The following MROH1 variants were observed in gnomAD, a reference collection of about 807,000 sequenced individuals.
The protein encoded by MROH1 is maestro heat like repeat family member 1, also known as maestro heat-like repeat-containing protein family member 1.
A neutral mutation model predicts 116.5 loss-of-function variants in MROH1; 117 were observed. The ratio of observed to expected loss-of-function variants is 1.00; its 90% CI spans 0.86 to 1.17. The LOEUF (loss-of-function observed/expected upper bound fraction) is 1.17, where lower values mean the gene tolerates loss of function less well. Ranked by LOEUF, MROH1 falls within the 50% of genes most tolerant of loss-of-function variation. MROH1 has a pLI of 0.00. For synonymous variants in MROH1, 921 were observed against 583.9 expected (o/e 1.58, Z -8.32); for missense variants, 1,873 against 1,338.5 (o/e 1.40, Z -6.23).
At chr8:144,158,208 G>C (rs1439790879) in intron 1 of MROH1, among the ~76,000 whole-genome samples, 2 of 151,682 alleles carry the variant, frequency 1.3e-5, no homozygotes, top group African/African-American at 4.8e-5. Flanking sequence ...GGCCGGGCTG[G>C]TCTCGAACTC....
At chr8:144,238,969 G>A (rs1344981225) in intron 15 of MROH1, 66 bp from the exon 16 acceptor site, 29 of 771,048 alleles carry the variant, frequency 3.8e-5, no homozygotes, top group Admixed American at 8.5e-5. Context: ...TTGGAGCTCC[G>A]GCAGGGCCCT....
intron 1 of MROH1, among the ~76,000 whole-genome samples, chr8:144,159,900 T>C (rs1401786018): frequency 6.6e-6 from 1 of 151,910 alleles, no homozygotes; most frequent in African/African-American, 2.4e-5. Flanking sequence ...CCTGAGTAGC[T>C]GGGACTACAG....
Position 144,168,393 on chromosome 8 carries a change from GT to G in MROH1, c.122del (p.Val41GlyfsTer26). On this transcript the variant is annotated frameshift_variant, in exon 4 of 44. Coordinates refer to ENST00000326134, the MANE Select transcript of MROH1 (RefSeq NM_032450.3). LOFTEE classifies it high-confidence loss of function. ...GTGCTCCCTCGGGGAGGCGCGGCCG[GT>G]GGAGACGCTCCGTGCCTGCGAGGAG... ...ALCSLGEARP[V>X]ETLRACEEYL... 1 of 1,611,702 alleles carries G rather than the reference GT, an allele frequency of 6.2e-7. No homozygotes were observed. The highest frequency in any genetic ancestry group is 1.1e-5 in the South Asian group (1 of 91,062).
rs1218482716 is a variant in MROH1 at position 144,156,241 on chromosome 8, G to GA, written c.-176-4706dup. Among the ~76,000 whole-genome samples, 483 of 58,492 alleles carry GA rather than the reference G, an allele frequency of 8.3e-3. 2 individuals are homozygous for GA. Among genetic ancestry groups the GA allele is most frequent in the Middle Eastern group, 0.016 (1 of 64 alleles). 38.4% of individuals were successfully genotyped at this position (58,492 alleles called of 152,430 possible). Reference sequence around the variant, plus strand: ...AACAAGAGTGAAACTCCGTCTCAAAGAAAAAAAAAAAAAAAAAAAAAAAGT... The same window carrying GA: ...AACAAGAGTGAAACTCCGTCTCAAAGAAAAAAAAAAAAAAAAAAAAAAAAGT... On this transcript the variant is annotated intron_variant, in intron 1 of 43. Coordinates refer to ENST00000326134, the MANE Select transcript of MROH1 (RefSeq NM_032450.3).
chr8:144,247,774 G>C, intron 31 of MROH1, 95 bp downstream of exon 31: 1 of 699,742 alleles, frequency 1.4e-6, no homozygotes, highest in East Asian at 2.7e-5. Context: ...CCTAGCCTCT[G>C]GAAGTGCCAC....
At chr8:144,238,507 T>C (rs2132838314) in intron 14 of MROH1, among the ~76,000 whole-genome samples, 2 of 152,308 alleles carry the variant, frequency 1.3e-5, no homozygotes, top group Admixed American at 1.3e-4. Context: ...GAGCAGTGAT[T>C]TTTTATGGAG....
rs778942756 is a variant in MROH1 at position 144,180,171 on chromosome 8, G to A, written c.301-7G>A. ...TTTTGGTCTACCTGCCGGTGTTTTG[G>A]GTTCAGGACCTGGTCTGGGACTGGC... On this transcript the variant is annotated splice_region_variant and splice_polypyrimidine_tract_variant and intron_variant, in intron 5 of 43. Coordinates refer to ENST00000326134, the MANE Select transcript of MROH1 (RefSeq NM_032450.3). This position sits in a 1 kb window ranked among gnomAD's most constrained non-coding sequence, Gnocchi z 7.4. The A allele has an allele frequency of 4.3e-6, 7 of 1,613,636 alleles. No individual in the cohort carries two copies. In the South Asian group the frequency reaches 5.5e-5, roughly 13 times the overall value.
chr8:144,255,540 C>T lies in MROH1; in HGVS notation c.3626C>T (p.Thr1209Met), dbSNP rs949956404. 43 of 779,170 alleles carry T rather than the reference C, an allele frequency of 5.5e-5. No individual in the cohort carries two copies. The highest frequency in any genetic ancestry group is 7.2e-5 in the Non-Finnish European group (30 of 417,810). 48.3% of individuals were successfully genotyped at this position (779,170 alleles called of 1,614,324 possible). Residue 1209 changes from threonine (T) to methionine (M), a missense_variant, in exon 35 of 44, where the codon ACG (threonine) becomes ATG (methionine). Transcript: ENST00000326134. ...TGTGCACTGTTTGAGGTCATGTCCA[C>T]GCCTGCAGCGGGGCCCGCGGTGCTC... ...ATCALFEVMS[T>M]PAAGPAVLEL...
chr8:144,175,649 T>A, intron 4 of MROH1: 1 of 595,334 alleles, frequency 1.7e-6, no homozygotes, highest in Non-Finnish European at 2.1e-6. Flanking sequence ...ATAGGCTGGG[T>A]GCCAGGGCAC....
intron 12 of MROH1, among the ~76,000 whole-genome samples, chr8:144,219,670 C>A (rs1056856975): frequency 1.3e-5 from 2 of 152,124 alleles, no homozygotes; most frequent in Non-Finnish European, 2.9e-5. Flanking sequence ...AGGGAGTATA[C>A]CAAACCCTCA....
intron 4 of MROH1, among the ~76,000 whole-genome samples, chr8:144,176,548 A>AG (rs1331410586): frequency 2.0e-5 from 3 of 150,892 alleles, no homozygotes; most frequent in East Asian, 2.0e-4. Flanking sequence ...AAAAAAAAAA[A>AG]AAAAGAAATT....
chr8:144,239,468 G>T, intron 17 of MROH1, 105 bp downstream of exon 17: 1 of 773,202 alleles, frequency 1.3e-6, no homozygotes. Flanking sequence ...CGCGGTCAGG[G>T]CTCAGGTGTG....
chr8:144,207,535 T>C (rs572266935), intron 12 of MROH1, among the ~76,000 whole-genome samples: 1 of 152,206 alleles, frequency 6.6e-6, no homozygotes, highest in Admixed American at 6.5e-5. Flanking sequence ...AGAGAGGGTC[T>C]CACTACGTTA....
intron 4 of MROH1, among the ~76,000 whole-genome samples, chr8:144,174,607 C>T (rs1040056281): frequency 3.9e-5 from 6 of 151,918 alleles, no homozygotes; most frequent in Middle Eastern, 3.4e-3. Flanking sequence ...CTTCAGCCTC[C>T]GAAGTAGCTG....
At chr8:144,232,838 ATTTT>A (rs1406164274) in intron 14 of MROH1, among the ~76,000 whole-genome samples, 6 of 113,000 alleles carry the variant, frequency 5.3e-5, no homozygotes, top group East Asian at 5.7e-4. Flanking sequence ...TTATTTATTT[ATTTT>A]ATGAGACAGG....
chr8:144,154,897 C>A (rs1817674303), intron 1 of MROH1, among the ~76,000 whole-genome samples: 1 of 152,032 alleles, frequency 6.6e-6, no homozygotes, highest in African/African-American at 2.4e-5. Context: ...CAGCTCACTG[C>A]AACCTCTGCC....
intron 14 of MROH1, among the ~76,000 whole-genome samples, chr8:144,237,363 C>A (rs1840232749): frequency 6.6e-6 from 1 of 152,258 alleles, no homozygotes. Context: ...AGGCCCCTGT[C>A]CTGAGGCCCT....
chr8:144,186,589 G>A (rs976812174), intron 7 of MROH1, among the ~76,000 whole-genome samples: 6 of 152,218 alleles, frequency 3.9e-5, no homozygotes, highest in Non-Finnish European at 7.3e-5. Context: ...AACTTGGAAC[G>A]AAGCAGATTC....
chr8:144,188,481 T>C (rs1827765204), intron 7 of MROH1, among the ~76,000 whole-genome samples: 1 of 27,416 alleles, frequency 3.6e-5, no homozygotes, highest in African/African-American at 1.2e-4. Context: ...TTTTTTTTTT[T>C]TTTTTTGAGA....
Sources: gnomAD v4.1 joint callset for allele counts (sites outside exome capture counted in the v4.1 genomes callset) on GRCh38, gnomAD v4.1.1 for gene constraint, Gnocchi (gnomAD v3.1) non-coding constraint, MANE v1.5 for transcripts, NCBI Gene and HGNC (gene_info 2026-07-23, HGNC 2026-07-21) for gene names.